The following DOK5 variants were observed in gnomAD, a reference collection of about 807,000 sequenced individuals.
DOK5 encodes the protein docking protein 5.
Under a neutral mutation model 43.3 loss-of-function variants are expected in DOK5, and 27 were observed. The observed-to-expected ratio is 0.62, with a 90% CI of 0.46 to 0.86. DOK5 has a LOEUF of 0.86. Ranked by LOEUF, DOK5 falls within the 40% of genes least tolerant of loss-of-function variation. The pLI is 0.00. For synonymous variants in DOK5, 146 were observed against 140.1 expected (o/e 1.04, Z -0.30); for missense variants, 373 against 392.9 (o/e 0.95, Z 0.43).
intron 1 of DOK5, among the ~76,000 whole-genome samples, chr20:54,489,654 T>C (rs1360870020): frequency 1.3e-5 from 2 of 152,204 alleles, no homozygotes; most frequent in Non-Finnish European, 2.9e-5. Context: ...TTACAAATTA[T>C]GAAACTGAGA....
At chr20:54,585,160 T>A (rs1203484315) in intron 2 of DOK5, among the ~76,000 whole-genome samples, 2 of 151,850 alleles carry the variant, frequency 1.3e-5, no homozygotes, top group African/African-American at 4.8e-5. Context: ...TGTGTATGTG[T>A]GTGTGTTGTG....
chr20:54,520,557 T>G (rs1340687628), intron 1 of DOK5, among the ~76,000 whole-genome samples: 1 of 152,060 alleles, frequency 6.6e-6, no homozygotes, highest in Non-Finnish European at 1.5e-5. Flanking sequence ...GGCAGGAGGA[T>G]TTTTTGAGCT....
chr20:54,487,426 C>T (rs1468250382), intron 1 of DOK5, among the ~76,000 whole-genome samples: 1 of 152,020 alleles, frequency 6.6e-6, no homozygotes, highest in African/African-American at 2.4e-5. Flanking sequence ...TGTGCTTCCT[C>T]TTTAAATAAA....
chr20:54,533,477 A>C (rs994462277), intron 1 of DOK5, among the ~76,000 whole-genome samples: 10 of 152,224 alleles, frequency 6.6e-5, no homozygotes, highest in African/African-American at 2.4e-4. Context: ...AACCTATTGT[A>C]GTTAAATTAA....
chr20:54,521,009 T>TAAGAATGATCTTTACCC (rs1359699005), intron 1 of DOK5, among the ~76,000 whole-genome samples: 1 of 152,032 alleles, frequency 6.6e-6, no homozygotes, highest in Non-Finnish European at 1.5e-5. Flanking sequence ...TACCCTCTCC[T>TAAGAATGATCTTTACCC]AAGAATGATC....
chr20:54,643,648 A>G (rs1979234404), intron 7 of DOK5, 70 bp downstream of exon 7: 3 of 1,535,154 alleles, frequency 2.0e-6, no homozygotes, highest in Non-Finnish European at 2.6e-6. Context: ...GGCTCAGCTC[A>G]ACTCGCAGCT....
At chr20:54,528,840 A>ATAATGAGT (rs1489276627) in intron 1 of DOK5, among the ~76,000 whole-genome samples, 1 of 152,206 alleles carries the variant, frequency 6.6e-6, no homozygotes, top group Non-Finnish European at 1.5e-5. Flanking sequence ...GTATTTTAAA[A>ATAATGAGT]TAATGAGTTA....
chr20:54,633,312 C>A (rs965448337), intron 6 of DOK5, among the ~76,000 whole-genome samples: 1 of 152,130 alleles, frequency 6.6e-6, no homozygotes, highest in African/African-American at 2.4e-5. Flanking sequence ...GTTCAGGAAG[C>A]CACCTGGAGA....
At chr20:54,501,382 G>A (rs1440109509) in intron 1 of DOK5, among the ~76,000 whole-genome samples, 1 of 149,086 alleles carries the variant, frequency 6.7e-6, no homozygotes, top group Non-Finnish European at 1.5e-5. Context: ...CAGGAGAATG[G>A]CATGAACCCG....
At chr20:54,500,549 C>A (rs1436516938) in intron 1 of DOK5, among the ~76,000 whole-genome samples, 1 of 150,214 alleles carries the variant, frequency 6.7e-6, no homozygotes, top group Non-Finnish European at 1.5e-5. Context: ...CAATGTCATA[C>A]CCAGTGTATT....
At chr20:54,610,880 T>C (rs563393807) in intron 6 of DOK5, among the ~76,000 whole-genome samples, 9 of 152,266 alleles carry the variant, frequency 5.9e-5, no homozygotes, top group East Asian at 3.9e-4. Context: ...GAGAAAAATG[T>C]AAATGAAAGA....
chr20:54,493,283 CT>C (rs947211944), intron 1 of DOK5, among the ~76,000 whole-genome samples: 6 of 152,256 alleles, frequency 3.9e-5, no homozygotes, highest in Non-Finnish European at 8.8e-5. Flanking sequence ...CGTTCACTCG[CT>C]GTGTCACACC....
intron 1 of DOK5, among the ~76,000 whole-genome samples, chr20:54,550,180 C>CA (rs11483522): frequency 0.21 from 18,252 of 87,002 alleles, 2,192 homozygotes; most frequent in African/African-American, 0.4. Context: ...GATTGGATGG[C>CA]AAAAAAAAAA....
intron 1 of DOK5, among the ~76,000 whole-genome samples, chr20:54,548,228 CT>C: frequency 7.1e-6 from 1 of 140,630 alleles, no homozygotes; most frequent in Non-Finnish European, 1.5e-5. Context: ...GATTACCTAT[CT>C]TTTATTTATT....
intron 1 of DOK5, among the ~76,000 whole-genome samples, chr20:54,499,815 C>T (rs115986503): frequency 2.6e-5 from 4 of 152,310 alleles, no homozygotes; most frequent in African/African-American, 7.2e-5. Flanking sequence ...CGTGTTGTCA[C>T]TGAACTCATT....
At chr20:54,640,861 T>C (rs1463309442) in intron 6 of DOK5, among the ~76,000 whole-genome samples, 1 of 152,266 alleles carries the variant, frequency 6.6e-6, no homozygotes, top group Non-Finnish European at 1.5e-5. Context: ...TTCCTTCTTT[T>C]ATTTTTTGAA....
chr20:54,533,788 T>A (rs2146708646), intron 1 of DOK5, among the ~76,000 whole-genome samples: 1 of 152,330 alleles, frequency 6.6e-6, no homozygotes, highest in Non-Finnish European at 1.5e-5. Context: ...TTTTTATTTC[T>A]GATTTTGTTT....
chr20:54,515,500 C>T (rs1043619923), intron 1 of DOK5, among the ~76,000 whole-genome samples: 4 of 152,144 alleles, frequency 2.6e-5, no homozygotes, highest in Non-Finnish European at 5.9e-5. Flanking sequence ...TTTGTGAGGA[C>T]ATGGAGATTT....
In DOK5 at chr20:54,617,328, A is replaced by AT. The variant is rs910641782; in HGVS notation, c.735+6814dup. Reference sequence around the variant, plus strand: ...CTTATCACTCTGCCATAGTCTGTCGATTTTTTTTTCTTTTTTTTTGGAGAC... The same window carrying AT: ...CTTATCACTCTGCCATAGTCTGTCGATTTTTTTTTTCTTTTTTTTTGGAGAC... On this transcript the variant is annotated intron_variant, in intron 6 of 7. Coordinates refer to ENST00000262593, the MANE Select transcript of DOK5 (RefSeq NM_018431.5). Among the ~76,000 whole-genome samples, 13 of 150,680 alleles carry AT rather than the reference A, an allele frequency of 8.6e-5. No individual in the cohort carries two copies. The East Asian group carries it at 2.2e-3, about 25-fold the overall frequency.
Sources: allele counts gnomAD v4.1 joint callset (sites outside exome capture counted in the v4.1 genomes callset), GRCh38; gene constraint gnomAD v4.1.1; transcripts MANE v1.5; gene names NCBI Gene and HGNC (gene_info 2026-07-23, HGNC 2026-07-21).